Variants in TYW1 observed in about 807,000 individuals in gnomAD.
TYW1 encodes the protein S-adenosyl-L-methionine-dependent tRNA 4-demethylwyosine synthase TYW1.
Under a neutral mutation model 96.2 loss-of-function variants are expected in TYW1, and 46 were observed. That is an observed-to-expected ratio of 0.48 (90% confidence interval 0.38 to 0.61). The LOEUF is 0.61. Ranked by LOEUF, TYW1 falls within the 20% of genes least tolerant of loss-of-function variation. The pLI is 0.00. For missense variants in TYW1, 684 were observed against 909.6 expected (o/e 0.75, Z 3.19); for synonymous variants, 274 against 323.0 (o/e 0.85, Z 1.63).
At chr7:67,002,468 G>C (rs1026038127) in intron 3 of TYW1, among the ~76,000 whole-genome samples, 1 of 152,204 alleles carries the variant, frequency 6.6e-6, no homozygotes, top group African/African-American at 2.4e-5. Context: ...TTTTGCCTCA[G>C]AAGGCGTAGC....
chr7:67,186,539 G>A (rs912512749), intron 14 of TYW1, among the ~76,000 whole-genome samples: 3 of 152,066 alleles, frequency 2.0e-5, no homozygotes, highest in African/African-American at 7.3e-5. Flanking sequence ...CTAGACTGGA[G>A]TGCAGTGGTG....
At chr7:67,153,925 C>CTTTTT (rs34003922) in intron 13 of TYW1, among the ~76,000 whole-genome samples, 80 of 130,316 alleles carry the variant, frequency 6.1e-4, no homozygotes, top group East Asian at 1.4e-3. Flanking sequence ...TAACGACTTT[C>CTTTTT]TTTTTTTTTT....
At chr7:67,053,576 C>T (rs1428036093) in intron 8 of TYW1, among the ~76,000 whole-genome samples, 3 of 152,062 alleles carry the variant, frequency 2.0e-5, no homozygotes, top group South Asian at 4.1e-4. Flanking sequence ...GACAGGGTTT[C>T]ACCATGTTGA....
intron 13 of TYW1, among the ~76,000 whole-genome samples, chr7:67,136,107 C>T (rs1416422455): frequency 5.3e-5 from 8 of 152,160 alleles, no homozygotes; most frequent in Admixed American, 4.6e-4. Flanking sequence ...TATCTTTTAG[C>T]ACTTGTTTAT....
intron 7 of TYW1, among the ~76,000 whole-genome samples, chr7:67,041,762 G>A (rs1271012632): frequency 6.6e-6 from 1 of 152,046 alleles, no homozygotes; most frequent in African/African-American, 2.4e-5. Flanking sequence ...TGTAAGACTG[G>A]TTTTTGAGTA....
chr7:67,111,367 A>AT (rs1797400794), intron 12 of TYW1, among the ~76,000 whole-genome samples: 1 of 152,026 alleles, frequency 6.6e-6, no homozygotes, highest in Non-Finnish European at 1.5e-5. Context: ...CTCCTGGCTA[A>AT]TTTTTGTATT....
chr7:67,167,132 A>G (rs1439186289), intron 13 of TYW1, among the ~76,000 whole-genome samples: 2 of 152,126 alleles, frequency 1.3e-5, no homozygotes, highest in Admixed American at 6.6e-5. Flanking sequence ...CAATGTAGTC[A>G]GTTTATCAGG....
At chr7:67,192,784 G>A (rs1007331874) in intron 14 of TYW1, among the ~76,000 whole-genome samples, 1 of 152,120 alleles carries the variant, frequency 6.6e-6, no homozygotes, top group Non-Finnish European at 1.5e-5. Context: ...CTTTTTTATT[G>A]CAAGTCGACT....
intron 15 of TYW1, among the ~76,000 whole-genome samples, chr7:67,222,809 C>A (rs1266886637): frequency 6.6e-6 from 1 of 150,786 alleles, no homozygotes; most frequent in East Asian, 1.9e-4. Context: ...TTGCCACGTG[C>A]AAATGTCAGT....
chr7:67,044,233 C>T (rs1363321924), intron 7 of TYW1, among the ~76,000 whole-genome samples: 2 of 150,030 alleles, frequency 1.3e-5, no homozygotes, highest in Non-Finnish European at 3.0e-5. Flanking sequence ...TGAATAGCTG[C>T]GACCACAAGC....
intron 8 of TYW1, among the ~76,000 whole-genome samples, chr7:67,051,732 G>GTTTTTTTTT (rs201852688): frequency 3.2e-5 from 4 of 123,956 alleles, no homozygotes; most frequent in Non-Finnish European, 5.3e-5. Context: ...TTGTTTTTTT[G>GTTTTTTTTT]TTTTTTTTTT....
intron 7 of TYW1, among the ~76,000 whole-genome samples, chr7:67,037,142 T>C (rs1562977921): frequency 6.6e-6 from 1 of 152,174 alleles, no homozygotes; most frequent in Non-Finnish European, 1.5e-5. Context: ...CACATTGCCC[T>C]AGGGGTCCGC....
At chr7:67,098,836 T>C (rs1797002743) in intron 12 of TYW1, 118 bp downstream of exon 12, 1 of 1,160,080 alleles carries the variant, frequency 8.6e-7, no homozygotes, top group Non-Finnish European at 1.2e-6. Context: ...CATACAAATG[T>C]TGGGCTTTGG....
chr7:67,204,543 CTCT>C lies in TYW1; in HGVS notation c.1977+9223_1977+9225del, dbSNP rs988921180. On this transcript the variant is annotated intron_variant, in intron 15 of 15. Transcript: ENST00000359626. ...CTTCTTCTTCTTCCTCTTCCTCTTC[CTCT>C]TCTTCTTCTTCTTCTTTCTTCTTCC... is the stretch of plus-strand genomic sequence containing the variant. Among the ~76,000 whole-genome samples, 191 of 132,768 alleles carry C rather than the reference CTCT, an allele frequency of 1.4e-3. 2 individuals carry two copies. The East Asian group carries it at 0.036, about 25-fold the overall frequency. 87.1% of individuals were successfully genotyped at this position (132,768 alleles called of 152,430 possible).
intron 15 of TYW1, among the ~76,000 whole-genome samples, chr7:67,225,285 C>G (rs1801526196): frequency 6.6e-6 from 1 of 151,772 alleles, no homozygotes; most frequent in Admixed American, 6.6e-5. Flanking sequence ...AATACAAAGC[C>G]TACTTTGAAC....
chr7:67,013,598 C>T (rs974639642), intron 4 of TYW1, among the ~76,000 whole-genome samples: 1 of 152,094 alleles, frequency 6.6e-6, no homozygotes, highest in Non-Finnish European at 1.5e-5. Flanking sequence ...TTTCTGACAC[C>T]ACAGAGCAGC....
chr7:67,180,419 TA>T lies in TYW1; in HGVS notation c.1699-2706del, dbSNP rs1375615285. Among the ~76,000 whole-genome samples the T allele has an allele frequency of 5.9e-3, 487 of 82,090 alleles. 1 individual carries two copies. Among genetic ancestry groups the T allele is most frequent in the African/African-American group, 0.023 (454 of 19,440 alleles). 53.9% of individuals were successfully genotyped at this position (82,090 alleles called of 152,430 possible). On this transcript the variant is annotated intron_variant, in intron 13 of 15. Coordinates refer to ENST00000359626, the MANE Select transcript of TYW1 (RefSeq NM_018264.4). The stretch of plus-strand genomic sequence containing the variant: ...ATATATATATATTTATATATATATA[TA>T]TATAATTTTTTTTTTGGTAACTGGC...
chr7:67,063,860 C>T (rs144716787), intron 9 of TYW1, among the ~76,000 whole-genome samples: 3,045 of 134,174 alleles, frequency 0.023, 104 homozygotes, highest in African/African-American at 0.079. Flanking sequence ...CCTCAGCCTC[C>T]CAAAGTGCTG....
rs570456646 is a variant in TYW1 at position 67,023,106 on chromosome 7, C to CT, written c.862-1786dup. On this transcript the variant is annotated intron_variant, in intron 6 of 15. Transcript: ENST00000359626. The stretch of plus-strand genomic sequence containing the variant: ...TCTTTTAATTTAATTTTTTTCTTTT[C>CT]TTTTTTTTGAGATGGAGTCTTGCTC... Among the ~76,000 whole-genome samples, 103 of 151,770 alleles carry CT rather than the reference C, an allele frequency of 6.8e-4. 1 individual carries two copies. Among genetic ancestry groups the CT allele is most frequent in the Non-Finnish European group, 1.2e-3 (84 of 67,914 alleles).
Sources: allele counts gnomAD v4.1 joint callset (sites outside exome capture counted in the v4.1 genomes callset), GRCh38; gene constraint gnomAD v4.1.1; transcripts MANE v1.5; gene names NCBI Gene and HGNC (gene_info 2026-07-23, HGNC 2026-07-21).